The following DNAH5 variants were observed in gnomAD, a reference collection of about 807,000 sequenced individuals.
DNAH5 encodes the protein axonemal beta dynein heavy chain 5.
DNAH5 carries 372 observed loss-of-function variants against 518.2 expected under a neutral mutation model. The ratio of observed to expected loss-of-function variants is 0.72; its 90% CI spans 0.66 to 0.78. DNAH5 has a LOEUF of 0.78. DNAH5 is among the 30% of genes least tolerant of loss of function. DNAH5 has a pLI of 0.00. For missense variants in DNAH5, 5,523 were observed against 5,687.0 expected (o/e 0.97, Z 0.93); for synonymous variants, 2,039 against 2,025.9 (o/e 1.01, Z -0.17).
intron 38 of DNAH5, among the ~76,000 whole-genome samples, chr5:13,824,792 A>G (rs976858561): frequency 3.3e-5 from 5 of 152,112 alleles, no homozygotes; most frequent in African/African-American, 9.7e-5. Context: ...AATCAGGGAG[A>G]AAAAAAGCAC....
intron 53 of DNAH5, among the ~76,000 whole-genome samples, chr5:13,778,606 G>GAA (rs1460147938): frequency 1.3e-5 from 2 of 150,842 alleles, no homozygotes; most frequent in Non-Finnish European, 3.0e-5. Flanking sequence ...AAGAGAGAGA[G>GAA]AAAGAAAAAG....
At chr5:13,939,887 T>C (rs2152023031) in intron 1 of DNAH5, among the ~76,000 whole-genome samples, 1 of 152,294 alleles carries the variant, frequency 6.6e-6, no homozygotes, top group South Asian at 2.1e-4. Flanking sequence ...GCAGGTGCTT[T>C]AGTGAAGCCC....
chr5:13,765,602 C>T (rs1502039), intron 59 of DNAH5, among the ~76,000 whole-genome samples: 49,325 of 151,904 alleles, frequency 0.32, 8,305 homozygotes, highest in East Asian at 0.55. Flanking sequence ...AAAATTTGTG[C>T]ATTTATTCAT....
At chr5:13,836,657 C>A (rs1764434261) in intron 35 of DNAH5, among the ~76,000 whole-genome samples, 1 of 152,178 alleles carries the variant, frequency 6.6e-6, no homozygotes, top group Admixed American at 6.5e-5. Flanking sequence ...GAAAGTATGA[C>A]AAAATAATGG....
At chr5:13,807,299 T>C (rs2071176204) in intron 47 of DNAH5, among the ~76,000 whole-genome samples, 1 of 152,168 alleles carries the variant, frequency 6.6e-6, no homozygotes. Flanking sequence ...ATGATTTTCT[T>C]TCAGTTTTGG....
At chr5:13,931,807 C>T (rs143251004) in intron 1 of DNAH5, among the ~76,000 whole-genome samples, 4 of 152,294 alleles carry the variant, frequency 2.6e-5, no homozygotes, top group Non-Finnish European at 5.9e-5. Context: ...ACTGTATGAT[C>T]ATACAATCCT....
At chr5:13,884,903 C>G in intron 19 of DNAH5, 86 bp downstream of exon 19, 1 of 1,548,468 alleles carries the variant, frequency 6.5e-7, no homozygotes, top group East Asian at 2.4e-5. Flanking sequence ...TGTACATGCA[C>G]GTGCACACGT....
Position 13,691,753 on chromosome 5 carries a change from A to G in DNAH5, c.*231T>C. 7.3e-6 allele frequency: 4 copies of G among 549,492 alleles called. No homozygotes were observed. Among genetic ancestry groups the G allele is most frequent in the Non-Finnish European group, 1.3e-5 (4 of 310,624 alleles). 34.0% of individuals were successfully genotyped at this position (549,492 alleles called of 1,614,324 possible). On this transcript the variant is annotated 3_prime_UTR_variant, in exon 79 of 79. Transcript: ENST00000265104. The stretch of plus-strand genomic sequence containing the variant: ...GGGCCACACTTCATTAGGATGCTGT[A>G]AATTTACTTTTATATCACTAAATAA...
intron 3 of DNAH5, among the ~76,000 whole-genome samples, chr5:13,924,180 T>G (rs1380206645): frequency 6.6e-6 from 1 of 152,156 alleles, no homozygotes; most frequent in Admixed American, 6.5e-5. Context: ...CCCTACTCTG[T>G]CATAGTCAGC....
chr5:13,822,259 G>A (rs1386485609), intron 40 of DNAH5, among the ~76,000 whole-genome samples: 1 of 141,456 alleles, frequency 7.1e-6, no homozygotes, highest in Non-Finnish European at 1.5e-5. Flanking sequence ...TCATTTGTTT[G>A]TTTGTTTTTG....
chr5:13,730,774 G>T (rs2126582554), intron 68 of DNAH5, among the ~76,000 whole-genome samples: 1 of 149,150 alleles, frequency 6.7e-6, no homozygotes, highest in Non-Finnish European at 1.5e-5. Flanking sequence ...CGTGATCTCG[G>T]CTCACAACAT....
intron 61 of DNAH5, among the ~76,000 whole-genome samples, chr5:13,756,689 T>C (rs7722569): frequency 0.73 from 110,004 of 151,606 alleles, 40,289 homozygotes; most frequent in African/African-American, 0.82. Flanking sequence ...CAGATAAGTG[T>C]TACTTCTTTT....
intron 59 of DNAH5, among the ~76,000 whole-genome samples, chr5:13,763,825 G>C (rs1387794232): frequency 6.6e-6 from 1 of 152,226 alleles, no homozygotes; most frequent in Non-Finnish European, 1.5e-5. Context: ...AATGACAAAT[G>C]CAAGGGAGAG....
intron 29 of DNAH5, among the ~76,000 whole-genome samples, chr5:13,861,389 G>A (rs1455204574): frequency 6.6e-6 from 1 of 152,142 alleles, no homozygotes; most frequent in Non-Finnish European, 1.5e-5. Context: ...ATAGTATGAA[G>A]TACACAGTAT....
At chr5:13,827,984 C>G (rs995037590) in intron 38 of DNAH5, among the ~76,000 whole-genome samples, 5 of 152,228 alleles carry the variant, frequency 3.3e-5, no homozygotes, top group African/African-American at 1.2e-4. Context: ...CCCAGCCATG[C>G]TGAAGTGTGA....
At chr5:13,892,485 A>T (rs1773393932) in intron 16 of DNAH5, among the ~76,000 whole-genome samples, 1 of 152,334 alleles carries the variant, frequency 6.6e-6, no homozygotes. Flanking sequence ...ATTAAAATCC[A>T]GCTGCACTTG....
At chr5:14,008,237 T>C (rs1177367502) in intron 1 of DNAH5, among the ~76,000 whole-genome samples, 1 of 126,056 alleles carries the variant, frequency 7.9e-6, no homozygotes, top group Non-Finnish European at 1.6e-5. Context: ...GTATGTATTT[T>C]AGAAGGAAGG....
rs1491170626 is a variant in DNAH5 at position 13,842,440 on chromosome 5, A to AG, written c.5272-537_5272-536insC. Among the ~76,000 whole-genome samples, 64 of 102,230 alleles carry AG rather than the reference A, an allele frequency of 6.3e-4. 4 individuals are homozygous for AG. Among genetic ancestry groups the AG allele is most frequent in the African/African-American group, 2.5e-3 (60 of 24,420 alleles). 67.1% of individuals were successfully genotyped at this position (102,230 alleles called of 152,430 possible). A position where few individuals can be genotyped will look rare whatever the true frequency, so the allele number is the denominator to read the frequency against. On this transcript the variant is annotated intron_variant, in intron 32 of 78. Transcript: ENST00000265104. ...AAGAAAAGAAAAGAAAGAAAGAAAG[A>AG]AAGAAAGAAAGAAAGAAAGAAAGAA...
intron 55 of DNAH5, among the ~76,000 whole-genome samples, chr5:13,774,563 G>C (rs58525282): frequency 0.023 from 3,466 of 152,244 alleles, 119 homozygotes; most frequent in African/African-American, 0.078. Context: ...AGTCTGTCTT[G>C]TGTCTGTTGA....
Sources: gnomAD v4.1 joint callset for allele counts (sites outside exome capture counted in the v4.1 genomes callset) on GRCh38, gnomAD v4.1.1 for gene constraint, MANE v1.5 for transcripts, NCBI Gene and HGNC (gene_info 2026-07-23, HGNC 2026-07-21) for gene names.